Variants in XDH observed in about 807,000 individuals in gnomAD.
The protein encoded by XDH is xanthine dehydrogenase/oxidase.
Under a neutral mutation model 156.1 loss-of-function variants are expected in XDH, and 138 were observed. That is an observed-to-expected ratio of 0.88 (90% CI 0.77 to 1.02). XDH has a LOEUF of 1.02. Among genes scored for constraint, XDH ranks in the 50% least tolerant of loss-of-function variants. The pLI, the probability that XDH is intolerant of heterozygous loss-of-function variation, is 0.00. For missense variants in XDH, 1,849 were observed against 1,684.9 expected, an observed-to-expected ratio of 1.10 and a Z score of -1.71; for synonymous variants, 669 against 625.7, an observed-to-expected ratio of 1.07 and a Z score of -1.03.
rs207453 is a variant in XDH, at chr2:31,344,508, T to A, written c.3404+176A>T. On this transcript the variant is annotated intron_variant, in intron 31 of 35. Coordinates refer to ENST00000379416, the MANE Select transcript of XDH (RefSeq NM_000379.4). ...TGCTTTTACCCCTTGGCACACAGTG[T>A]GGCCATTCCACATATTTTAGAGCAT... Among the ~76,000 whole-genome samples, 1,297 of 152,332 alleles carry A rather than the reference T, an allele frequency of 8.5e-3. 16 individuals carry two copies. Among genetic ancestry groups the A allele is most frequent in the African/African-American group, 0.03 (1,255 of 41,560 alleles).
intron 24 of XDH, among the ~76,000 whole-genome samples, chr2:31,362,117 C>T (rs1243979589): frequency 6.6e-6 from 1 of 152,014 alleles, no homozygotes; most frequent in Non-Finnish European, 1.5e-5. Context: ...GACTATGTTG[C>T]TTTTCTGCCT....
chr2:31,386,125 G>A (rs1433141187), intron 9 of XDH, among the ~76,000 whole-genome samples: 1 of 152,198 alleles, frequency 6.6e-6, no homozygotes, highest in African/African-American at 2.4e-5. Flanking sequence ...TCAAGGAGTT[G>A]TTAGTATCCC....
At position 31,403,044 on chromosome 2, in the gene XDH, A is replaced by G; in HGVS notation, c.197+4T>C. On this transcript the variant is annotated splice_donor_region_variant and intron_variant, in intron 3 of 35. Transcript: ENST00000379416. Reference sequence around the variant, plus strand: ...TGGGTGGTCAGCCAGCAGGCAAAGGATACACGATCTTGTTCTGCAGACGAT... The same window carrying G: ...TGGGTGGTCAGCCAGCAGGCAAAGGGTACACGATCTTGTTCTGCAGACGAT... 1 of 1,614,110 alleles carries G rather than the reference A, an allele frequency of 6.2e-7. No individual in the cohort carries two copies. Among genetic ancestry groups the G allele is most frequent in the Non-Finnish European group, 8.5e-7 (1 of 1,180,014 alleles).
rs143570810 is a variant in XDH, at chr2:31,407,570, G to C, written c.43-1606C>G. Among the ~76,000 whole-genome samples, 816 of 152,202 alleles carry C rather than the reference G, an allele frequency of 5.4e-3. 10 individuals are homozygous for C. Among genetic ancestry groups the C allele is most frequent in the African/African-American group, 0.019 (783 of 41,508 alleles). On this transcript the variant is annotated intron_variant, in intron 1 of 35. Coordinates refer to ENST00000379416, the MANE Select transcript of XDH (RefSeq NM_000379.4). ...AGACATGCATGCAAATATTCCCTGT[G>C]GTGGCCCTTGAAGATCCTTGAAAGC... is the stretch of plus-strand genomic sequence containing the variant.
At chr2:31,361,610 T>C (rs1572527978) in intron 24 of XDH, among the ~76,000 whole-genome samples, 1 of 152,164 alleles carries the variant, frequency 6.6e-6, no homozygotes, top group African/African-American at 2.4e-5. Flanking sequence ...GGCTAAGCAA[T>C]TATACCTACA....
At chr2:31,343,934 T>C (rs1281891441) in intron 31 of XDH, among the ~76,000 whole-genome samples, 2 of 152,044 alleles carry the variant, frequency 1.3e-5, no homozygotes, top group East Asian at 3.8e-4. Context: ...TCAGACATGA[T>C]ATTTTAAAGA....
At chr2:31,385,995 A>G (rs541717041) in intron 9 of XDH, among the ~76,000 whole-genome samples, 6 of 152,304 alleles carry the variant, frequency 3.9e-5, no homozygotes, top group African/African-American at 7.2e-5. Flanking sequence ...ACCATGTCCA[A>G]TTGAGCTTTG....
Position 31,398,551 on chromosome 2 carries a change from G to A in XDH, c.433+22C>T, listed in dbSNP as rs779222822. 5 of 1,613,512 alleles carry A rather than the reference G, an allele frequency of 3.1e-6. No homozygotes were observed. In the Admixed American group the frequency reaches 8.3e-5, roughly 27 times the overall value. On this transcript the variant is annotated intron_variant, in intron 5 of 35. Transcript: ENST00000379416. Reference sequence around the variant, plus strand: ...GCCTCGTTTGCCATTCCACCTCCTAGGCTGTGCCTGAAGGCCCATACCTTG... The same window carrying A: ...GCCTCGTTTGCCATTCCACCTCCTAAGCTGTGCCTGAAGGCCCATACCTTG...
chr2:31,361,113 C>A (rs1685765321), intron 24 of XDH, among the ~76,000 whole-genome samples: 1 of 152,192 alleles, frequency 6.6e-6, no homozygotes, highest in South Asian at 2.1e-4. Context: ...ACCAGGCTTG[C>A]CTTGATGAAG....
At chr2:31,348,200 C>T (rs1572515800) in intron 28 of XDH, 68 bp downstream of exon 28, 1 of 1,510,794 alleles carries the variant, frequency 6.6e-7, no homozygotes, top group East Asian at 2.3e-5. Context: ...CTGATAGGTC[C>T]CACTGCTCAA....
chr2:31,376,007 T>C (rs540001073), intron 14 of XDH, among the ~76,000 whole-genome samples: 1 of 152,332 alleles, frequency 6.6e-6, no homozygotes, highest in South Asian at 2.1e-4. Flanking sequence ...AAGTTAAGCT[T>C]TATTGATCCT....
intron 35 of XDH, among the ~76,000 whole-genome samples, chr2:31,337,249 C>T (rs1684990732): frequency 6.6e-6 from 1 of 151,994 alleles, no homozygotes; most frequent in African/African-American, 2.4e-5. Context: ...CCCTCCATCC[C>T]CCCAATATTC....
chr2:31,381,189 T>A (rs2148780089), intron 12 of XDH, among the ~76,000 whole-genome samples: 1 of 152,092 alleles, frequency 6.6e-6, no homozygotes, highest in East Asian at 1.9e-4. Flanking sequence ...AGACATGGGG[T>A]TTCACCATGT....
At chr2:31,365,655 G>C in intron 22 of XDH, 111 bp from the exon 23 acceptor site, 1 of 1,292,958 alleles carries the variant, frequency 7.7e-7, no homozygotes, top group Non-Finnish European at 1.1e-6. Context: ...TGCACGCTGA[G>C]CAGACCTGTA....
At chr2:31,340,142 G>A (rs1349500024) in intron 33 of XDH, among the ~76,000 whole-genome samples, 2 of 152,222 alleles carry the variant, frequency 1.3e-5, no homozygotes, top group Non-Finnish European at 2.9e-5. Flanking sequence ...TAGGGTAACT[G>A]CCATGATAGA....
rs1287110350 is a variant in XDH at position 31,386,516 on chromosome 2, C to T, written c.691G>A (p.Gly231Arg). The T allele has an allele frequency of 6.2e-7, 1 of 1,614,134 alleles. No individual in the cohort carries two copies. Among genetic ancestry groups the T allele is most frequent in the Non-Finnish European group, 8.5e-7 (1 of 1,180,014 alleles). Residue 231 changes from glycine (G) to arginine (R), a missense_variant, in exon 9 of 36, where the codon GGG becomes AGG. Coordinates refer to ENST00000379416, the MANE Select transcript of XDH (RefSeq NM_000379.4). ...DTPRKQLRFE[G>R]ERVTWIQAST... ...GCCTGTATCCACGTCACACGCTCCC[C>T]TTCAAATCGCAGCTGCTTCCGAGGA...
chr2:31,378,115 G>GAAAGAAAGAAA (rs1558696682), intron 13 of XDH, among the ~76,000 whole-genome samples: 17 of 35,448 alleles, frequency 4.8e-4, no homozygotes, highest in African/African-American at 1.9e-3. Flanking sequence ...AGAAAGGAAG[G>GAAAGAAAGAAA]AAGGAAGGAA....
intron 13 of XDH, among the ~76,000 whole-genome samples, chr2:31,378,870 C>T (rs1313944949): frequency 1.3e-5 from 2 of 151,684 alleles, no homozygotes; most frequent in Non-Finnish European, 1.5e-5. Context: ...AAAAAGTTTA[C>T]TGAACTGTGA....
In XDH at chr2:31,397,651, C is replaced by T; in HGVS notation, c.495+17G>A. The T allele has an allele frequency of 1.2e-6, 2 of 1,614,150 alleles. No individual in the cohort carries two copies. The highest frequency in any genetic ancestry group is 1.7e-6 in the Non-Finnish European group (2 of 1,180,010). On this transcript the variant is annotated intron_variant, in intron 6 of 35. Coordinates refer to ENST00000379416, the MANE Select transcript of XDH (RefSeq NM_000379.4). ...TTTTAGAAGCAGAGACACTGATGTT[C>T]TGGGGTCCCCACTTACCCTGGCAAA... is the stretch of plus-strand genomic sequence containing the variant.
Sources: allele counts gnomAD v4.1 joint callset (sites outside exome capture counted in the v4.1 genomes callset), GRCh38; gene constraint gnomAD v4.1.1; transcripts MANE v1.5; gene names NCBI Gene and HGNC (gene_info 2026-07-23, HGNC 2026-07-21).